Variants in EIF4G3 observed in about 807,000 individuals in gnomAD.
The protein encoded by EIF4G3 is eIF-4-gamma 3.
Under a neutral mutation model 186.4 loss-of-function variants are expected in EIF4G3, and 34 were observed. That is an observed-to-expected ratio of 0.18 (90% CI 0.14 to 0.24). EIF4G3 has a LOEUF of 0.24. Among genes scored for constraint, EIF4G3 ranks in the 10% least tolerant of loss-of-function variants. The pLI is 1.00. For synonymous variants in EIF4G3, 673 were observed against 679.5 expected (o/e 0.99, Z 0.15); for missense variants, 1,536 against 1,948.5 (o/e 0.79, Z 3.99).
At chr1:20,836,972 C>T (rs2066928448) in intron 30 of EIF4G3, among the ~76,000 whole-genome samples, 2 of 152,182 alleles carry the variant, frequency 1.3e-5, no homozygotes, top group East Asian at 1.9e-4. Context: ...AATATCAGGA[C>T]GATGGCTTGA....
intron 3 of EIF4G3, among the ~76,000 whole-genome samples, chr1:21,077,802 C>T (rs975052592): frequency 4.6e-5 from 7 of 151,396 alleles, no homozygotes; most frequent in South Asian, 2.1e-4. Context: ...ATCGCTTGAA[C>T]CCAGGAGGCG....
intron 7 of EIF4G3, among the ~76,000 whole-genome samples, chr1:20,987,145 C>T (rs1044511888): frequency 1.3e-5 from 2 of 152,186 alleles, no homozygotes; most frequent in African/African-American, 4.8e-5. Flanking sequence ...CCAAAGCTTC[C>T]TCATCAAAAA....
chr1:20,838,340 T>A (rs930624759), intron 30 of EIF4G3, among the ~76,000 whole-genome samples: 8 of 152,222 alleles, frequency 5.3e-5, no homozygotes, highest in African/African-American at 1.9e-4. Context: ...TTTACCATTA[T>A]CATTTCCAGA....
intron 12 of EIF4G3, among the ~76,000 whole-genome samples, chr1:20,969,095 T>TG (rs1210810202): frequency 7.2e-5 from 11 of 152,312 alleles, no homozygotes; most frequent in African/African-American, 2.6e-4. Flanking sequence ...ATTCTCAACC[T>TG]TAATGTTTGC....
intron 12 of EIF4G3, among the ~76,000 whole-genome samples, chr1:20,950,905 C>T (rs934434653): frequency 6.6e-6 from 1 of 152,138 alleles, no homozygotes; most frequent in Non-Finnish European, 1.5e-5. Flanking sequence ...ACATCACATT[C>T]TAGGCAGGTA....
rs765294964 is a variant in EIF4G3, at chr1:20,886,294, T to C, written c.2331A>G (p.Lys777=). Residue 777 remains lysine, a synonymous_variant, in exon 19 of 37, where the codon AAA becomes AAG. Coordinates refer to ENST00000602326, the MANE Select transcript of EIF4G3 (RefSeq NM_001391906.1). ...EPRKIITVSV[K]EDVHLKKAEN... Reference sequence around the variant, plus strand: ...CTGCCTTTTTCAGGTGTACATCTTCTTTTACAGAAACTGTGATGATCTTTC... The same window carrying C: ...CTGCCTTTTTCAGGTGTACATCTTCCTTTACAGAAACTGTGATGATCTTTC... 1 of 1,614,156 alleles carries C rather than the reference T, an allele frequency of 6.2e-7. No homozygotes were observed. Among genetic ancestry groups the C allele is most frequent in the South Asian group, 1.1e-5 (1 of 91,072 alleles).
intron 2 of EIF4G3, among the ~76,000 whole-genome samples, chr1:21,118,065 A>T (rs1167771855): frequency 6.6e-6 from 1 of 152,248 alleles, no homozygotes; most frequent in African/African-American, 2.4e-5. Context: ...TTTGGATTCC[A>T]GCAAAGATAA....
chr1:21,008,926 A>G (rs2086125993), intron 4 of EIF4G3, among the ~76,000 whole-genome samples: 1 of 152,232 alleles, frequency 6.6e-6, no homozygotes, highest in Non-Finnish European at 1.5e-5. Context: ...AACTCATTAT[A>G]CCAAAAGAAA....
At chr1:21,053,505 T>G (rs1438252248) in intron 3 of EIF4G3, among the ~76,000 whole-genome samples, 1,240 of 43,626 alleles carry the variant, frequency 0.028, no homozygotes, top group Middle Eastern at 0.054. Context: ...AAGTGAGGAG[T>G]CCCTCTGCCC....
intron 30 of EIF4G3, among the ~76,000 whole-genome samples, chr1:20,829,730 T>C (rs1472165362): frequency 2.6e-5 from 4 of 152,148 alleles, no homozygotes; most frequent in Admixed American, 1.3e-4. Flanking sequence ...AAAATCTGTG[T>C]CCTTGAGGAA....
At chr1:20,978,693 A>G (rs534799521) in intron 10 of EIF4G3, among the ~76,000 whole-genome samples, 1 of 151,980 alleles carries the variant, frequency 6.6e-6, no homozygotes, top group East Asian at 1.9e-4. Context: ...AAAAAAAAAA[A>G]AAACCCATGG....
rs2074377007 is a variant in EIF4G3, at chr1:20,854,712, T to TAAATAA, written c.3433+265_3433+266insTTATTT. On this transcript the variant is annotated intron_variant, in intron 26 of 36. Transcript: ENST00000602326. The stretch of plus-strand genomic sequence containing the variant: ...AGAGCGGGATCCCATCTCAAAAATA[T>TAAATAA]ATAAATAAATAAATAAATAAATAAA... Among the ~76,000 whole-genome samples the TAAATAA allele has an allele frequency of 8.8e-5, 13 of 148,044 alleles. 1 individual carries two copies. The South Asian group carries it at 1.9e-3, about 22-fold the overall frequency.
At chr1:21,083,037 C>CAAAAAAAAAAAAAAAAAAAAA (rs544781256) in intron 3 of EIF4G3, among the ~76,000 whole-genome samples, 2 of 66,424 alleles carry the variant, frequency 3.0e-5, no homozygotes, top group Admixed American at 1.9e-4. Context: ...GACTCTGTCT[C>CAAAAAAAAAAAAAAAAAAAAA]AAAAAAAAAA....
chr1:21,077,502 C>A (rs2095623162), intron 3 of EIF4G3, among the ~76,000 whole-genome samples: 1 of 151,184 alleles, frequency 6.6e-6, no homozygotes, highest in South Asian at 2.1e-4. Flanking sequence ...TGCTCAATAT[C>A]ACTGATCATC....
intron 10 of EIF4G3, among the ~76,000 whole-genome samples, chr1:20,974,748 A>AG (rs2076511350): frequency 6.6e-6 from 1 of 152,172 alleles, no homozygotes; most frequent in Admixed American, 6.5e-5. Flanking sequence ...CAGCAGAGGA[A>AG]GGGGGGAAAA....
Position 21,176,217 on chromosome 1 carries a change from G to C in EIF4G3, c.-314C>G. 2 of 425,468 alleles carry C rather than the reference G, an allele frequency of 4.7e-6. No homozygotes were observed. The highest frequency in any genetic ancestry group is 8.2e-6 in the Non-Finnish European group (2 of 244,604). The allele number at this position is 425,468 out of a possible 1,614,324, so 26.4% of individuals were successfully genotyped here. A position where few individuals can be genotyped will look rare whatever the true frequency, so the allele number is the denominator to read the frequency against. The stretch of plus-strand genomic sequence containing the variant: ...CTGGAGGGCCCTGATGTTCGGGTGA[G>C]GAGGGGGGACCGCTGCCGCCGCCGC... On this transcript the variant is annotated 5_prime_UTR_variant, in exon 2 of 37. Coordinates refer to ENST00000602326, the MANE Select transcript of EIF4G3 (RefSeq NM_001391906.1).
intron 10 of EIF4G3, among the ~76,000 whole-genome samples, chr1:20,974,879 C>T (rs2076543486): frequency 6.6e-6 from 1 of 151,922 alleles, no homozygotes; most frequent in Non-Finnish European, 1.5e-5. Context: ...TTCACCGTAA[C>T]AAGAAGGAAA....
chr1:20,921,015 T>C (rs2094454303), intron 14 of EIF4G3, among the ~76,000 whole-genome samples: 2 of 152,198 alleles, frequency 1.3e-5, no homozygotes, highest in African/African-American at 4.8e-5. Flanking sequence ...TTTTATATAA[T>C]AGAACTGTTT....
intron 11 of EIF4G3, among the ~76,000 whole-genome samples, chr1:20,971,573 T>C (rs767653465): frequency 6.6e-6 from 1 of 152,240 alleles, no homozygotes; most frequent in African/African-American, 2.4e-5. Context: ...TTATGATATA[T>C]GCACAAGTAA....
Sources: allele counts gnomAD v4.1 joint callset (sites outside exome capture counted in the v4.1 genomes callset), GRCh38; gene constraint gnomAD v4.1.1; transcripts MANE v1.5; gene names NCBI Gene and HGNC (gene_info 2026-07-23, HGNC 2026-07-21).